Variants in PALD1 observed in about 807,000 individuals in gnomAD.
The protein encoded by PALD1 is phosphatase domain containing paladin 1, also known as paladin.
PALD1 carries 57 observed loss-of-function variants against 96.0 expected under a neutral mutation model. The ratio of observed to expected loss-of-function variants is 0.59; its 90% CI spans 0.48 to 0.74. The LOEUF is 0.74. Ranked by LOEUF, PALD1 falls within the 30% of genes least tolerant of loss-of-function variation. PALD1 has a pLI of 0.00. For synonymous variants in PALD1, 464 were observed against 473.6 expected, an observed-to-expected ratio of 0.98 and a Z score of 0.26; for missense variants, 1,063 against 1,143.7, an observed-to-expected ratio of 0.93 and a Z score of 1.02.
At chr10:70,507,223 G>A (rs1846408883) in intron 1 of PALD1, among the ~76,000 whole-genome samples, 3 of 146,862 alleles carry the variant, frequency 2.0e-5, no homozygotes, top group South Asian at 4.3e-4. Flanking sequence ...CCAACATGGT[G>A]AAACCCCGTC....
intron 17 of PALD1, among the ~76,000 whole-genome samples, chr10:70,542,387 T>C (rs779232188): frequency 2.6e-5 from 4 of 152,218 alleles, no homozygotes; most frequent in Non-Finnish European, 5.9e-5. Context: ...ACAACCCATC[T>C]AACTCCTTCA....
intron 1 of PALD1, among the ~76,000 whole-genome samples, chr10:70,482,719 A>T (rs952892855): frequency 6.6e-6 from 1 of 152,132 alleles, no homozygotes; most frequent in Non-Finnish European, 1.5e-5. Context: ...CTCATTAGCC[A>T]TGTGGCCCAG....
intron 10 of PALD1, among the ~76,000 whole-genome samples, chr10:70,535,723 T>C (rs1241542585): frequency 6.6e-6 from 1 of 151,412 alleles, no homozygotes; most frequent in Non-Finnish European, 1.5e-5. Flanking sequence ...TCTCCTTCAA[T>C]AGGGTCTTGC....
chr10:70,534,651 C>A, intron 9 of PALD1, 88 bp from the exon 10 acceptor site: 3 of 1,169,102 alleles, frequency 2.6e-6, no homozygotes, highest in South Asian at 1.3e-5. Flanking sequence ...TTCTTTCCCT[C>A]TCTTTTCTCT....
At chr10:70,531,803 G>A (rs112141703) in intron 5 of PALD1, among the ~76,000 whole-genome samples, 2,558 of 152,106 alleles carry the variant, frequency 0.017, 35 homozygotes, top group East Asian at 0.039. Flanking sequence ...CCAACGTGGT[G>A]AAACTGTGTC....
rs191707058 is a variant in PALD1, at chr10:70,554,286, G to A, written c.2262+6840G>A. On this transcript the variant is annotated intron_variant, in intron 18 of 19. Transcript: ENST00000263563. ...TCTACAAAAAATACAAAAATTAGCC[G>A]AGCGTGGTGGCGCACACCTGTAATC... is the stretch of plus-strand genomic sequence containing the variant. 5.6e-3 allele frequency among the ~76,000 whole-genome samples: 850 copies of A among 152,186 alleles called. 6 individuals are homozygous for A. Among genetic ancestry groups the A allele is most frequent in the African/African-American group, 0.019 (792 of 41,520 alleles).
intron 18 of PALD1, among the ~76,000 whole-genome samples, chr10:70,562,079 G>T (rs775159369): frequency 5.3e-5 from 8 of 152,206 alleles, no homozygotes; most frequent in Non-Finnish European, 2.9e-5. Flanking sequence ...TGGTGCACAC[G>T]TGCCTTCTCA....
the PALD1 span, among the ~76,000 whole-genome samples, chr10:70,461,877 C>T: frequency 6.6e-6 from 1 of 152,326 alleles, no homozygotes; most frequent in East Asian, 1.9e-4. Flanking sequence ...ATTGCAGCCT[C>T]AACCTCCCTG....
Position 70,539,315 on chromosome 10 carries a change from C to T in PALD1, c.1725+68C>T. ...CTGGGGAGTGGCCTGGGAGGGTCTT[C>T]AGAAGGCCTCACACTCCCGCAGACA... On this transcript the variant is annotated intron_variant, in intron 14 of 19. Transcript: ENST00000263563. This position sits in a 1 kb window ranked among gnomAD's most constrained non-coding sequence, Gnocchi z 4.5. 1 of 1,454,648 alleles carries T rather than the reference C, an allele frequency of 6.9e-7. No homozygotes were observed. Among genetic ancestry groups the T allele is most frequent in the South Asian group, 1.3e-5 (1 of 79,150 alleles). 90.1% of individuals were successfully genotyped at this position (1,454,648 alleles called of 1,614,324 possible). A position where few individuals can be genotyped will look rare whatever the true frequency, so the allele number is the denominator to read the frequency against.
At position 70,509,304 on chromosome 10, in the gene PALD1, G is replaced by GCT. The variant is rs1428352915; in HGVS notation, c.-29-16616_-29-16615dup. Among the ~76,000 whole-genome samples the GCT allele has an allele frequency of 3.3e-5, 5 of 152,204 alleles. No individual in the cohort carries two copies. The East Asian group carries it at 9.6e-4, about 29-fold the overall frequency. On this transcript the variant is annotated intron_variant, in intron 1 of 19. Coordinates refer to ENST00000263563, the MANE Select transcript of PALD1 (RefSeq NM_014431.3). The stretch of plus-strand genomic sequence containing the variant: ...AGCCAGCTGCGGAAACGGAGGCTGG[G>GCT]CTCTGTCTTGTACTGTAGAGAACTC...
chr10:70,514,551 C>G (rs986767740), intron 1 of PALD1, among the ~76,000 whole-genome samples: 9 of 152,042 alleles, frequency 5.9e-5, no homozygotes, highest in Non-Finnish European at 1.2e-4. Flanking sequence ...TCTGTGGGAC[C>G]CCCAAGAGAT....
chr10:70,515,444 G>T (rs1381315687), intron 1 of PALD1, among the ~76,000 whole-genome samples: 1 of 152,188 alleles, frequency 6.6e-6, no homozygotes, highest in Non-Finnish European at 1.5e-5. Context: ...GCCCAGCCTG[G>T]CTCTGCCCTG....
At chr10:70,482,703 C>T (rs1266710970) in intron 1 of PALD1, among the ~76,000 whole-genome samples, 3 of 152,062 alleles carry the variant, frequency 2.0e-5, no homozygotes, top group Non-Finnish European at 4.4e-5. Context: ...AATTTCTGCT[C>T]CCTCCCTCAT....
intron 4 of PALD1, among the ~76,000 whole-genome samples, chr10:70,530,430 C>T (rs78635968): frequency 0.034 from 5,244 of 152,136 alleles, 121 homozygotes; most frequent in Non-Finnish European, 0.049. Context: ...TGATGTTAGC[C>T]CTGTGATGGA....
chr10:70,517,383 C>G (rs1589190667), intron 1 of PALD1, among the ~76,000 whole-genome samples: 1 of 150,958 alleles, frequency 6.6e-6, no homozygotes, highest in East Asian at 1.9e-4. Context: ...GCTCTGTCAC[C>G]CAGGCTGGAG....
chr10:70,500,899 G>A (rs574438228), intron 1 of PALD1, among the ~76,000 whole-genome samples: 2 of 152,306 alleles, frequency 1.3e-5, no homozygotes, highest in African/African-American at 2.4e-5. Context: ...CTTCCCTGCC[G>A]GGGGTCTGCC....
rs202145555 is a variant in PALD1 at position 70,533,926 on chromosome 10, C to T, written c.875C>T (p.Thr292Ile). The change falls in exon 8 of 20, where the codon ACC becomes ATC. Residue 292 changes from threonine to isoleucine, a missense_variant. Coordinates refer to ENST00000263563, the MANE Select transcript of PALD1 (RefSeq NM_014431.3). ...LDAFVSVLRE[T>I]PSLLQLRDAH... ...GATCCTCATGGTCTTTCCCAGGAGACCCCCAGCCTGCTGCAGCTCCGTGAT... is the reference window on the plus strand; with the variant it reads ...GATCCTCATGGTCTTTCCCAGGAGATCCCCAGCCTGCTGCAGCTCCGTGAT... 4.4e-6 allele frequency: 7 copies of T among 1,593,434 alleles called. No individual in the cohort carries two copies. Among genetic ancestry groups the T allele is most frequent in the Admixed American group, 1.7e-5 (1 of 57,850 alleles).
rs570897409 is a variant in PALD1 at position 70,540,567 on chromosome 10, G to A, written c.1909-535G>A. Reference sequence around the variant, plus strand: ...GTGGTGCGTGTGTTGTAGGTGGGTCGCTGTGTGCTGTGTAACTGGCAATGG... The same window carrying A: ...GTGGTGCGTGTGTTGTAGGTGGGTCACTGTGTGCTGTGTAACTGGCAATGG... On this transcript the variant is annotated intron_variant, in intron 15 of 19. Transcript: ENST00000263563. The surrounding 1 kb of genome is among the most constrained non-coding windows in gnomAD (Gnocchi z 4.2). 6.6e-5 allele frequency among the ~76,000 whole-genome samples: 10 copies of A among 152,154 alleles called. No homozygotes were observed. The South Asian group carries it at 1.9e-3, about 28-fold the overall frequency.
chr10:70,485,164 A>G (rs1235312755), intron 1 of PALD1, among the ~76,000 whole-genome samples: 3 of 83,048 alleles, frequency 3.6e-5, no homozygotes, highest in Admixed American at 1.7e-4. Flanking sequence ...TCTTATTATT[A>G]AAGTTAAATT....
Sources: allele counts gnomAD v4.1 joint callset (sites outside exome capture counted in the v4.1 genomes callset), GRCh38; gene constraint gnomAD v4.1.1; non-coding constraint Gnocchi (gnomAD v3.1); transcripts MANE v1.5; gene names NCBI Gene and HGNC (gene_info 2026-07-23, HGNC 2026-07-21).